Variants in CNTN5 observed in about 807,000 individuals in gnomAD.
CNTN5 encodes contactin-5.
CNTN5 carries 77 observed loss-of-function variants against 129.1 expected under a neutral mutation model. That is an observed-to-expected ratio of 0.60 (90% CI 0.50 to 0.72). CNTN5 has a LOEUF of 0.72. CNTN5 is among the 30% of genes least tolerant of loss of function. The pLI, the probability that CNTN5 is intolerant of heterozygous loss-of-function variation, is 0.00. For synonymous variants in CNTN5, 509 were observed against 465.6 expected (o/e 1.09, Z -1.20); for missense variants, 1,478 against 1,328.8 (o/e 1.11, Z -1.75).
intron 3 of CNTN5, among the ~76,000 whole-genome samples, chr11:99,762,276 C>T (rs1293462274): frequency 4.7e-5 from 7 of 147,892 alleles, no homozygotes; most frequent in African/African-American, 1.7e-4. Context: ...TTAATTAGAT[C>T]CCATTTGTCA....
intron 2 of CNTN5, among the ~76,000 whole-genome samples, chr11:99,391,475 G>A (rs1591615900): frequency 6.6e-6 from 1 of 152,102 alleles, no homozygotes; most frequent in Non-Finnish European, 1.5e-5. Context: ...TCATATAGTA[G>A]CTAAGATTCT....
At chr11:99,729,937 T>C (rs1439710835) in intron 3 of CNTN5, among the ~76,000 whole-genome samples, 1 of 151,994 alleles carries the variant, frequency 6.6e-6, no homozygotes, top group Non-Finnish European at 1.5e-5. Context: ...TTAGGAAAAA[T>C]AGGTAATTCA....
At chr11:99,740,311 C>A (rs951461471) in intron 3 of CNTN5, among the ~76,000 whole-genome samples, 2 of 151,960 alleles carry the variant, frequency 1.3e-5, no homozygotes, top group Admixed American at 6.6e-5. Context: ...TGAATTCAAA[C>A]CCCAGAGTAG....
At chr11:99,736,815 A>G (rs1402328906) in intron 3 of CNTN5, among the ~76,000 whole-genome samples, 4 of 152,168 alleles carry the variant, frequency 2.6e-5, no homozygotes, top group African/African-American at 9.7e-5. Flanking sequence ...ATTAAATAAG[A>G]TACAGTCTTA....
At chr11:99,955,678 C>T (rs1950783243) in intron 7 of CNTN5, among the ~76,000 whole-genome samples, 1 of 151,986 alleles carries the variant, frequency 6.6e-6, no homozygotes, top group Non-Finnish European at 1.5e-5. Context: ...CCTGCCTCAG[C>T]CTCCCAAGTA....
chr11:99,896,839 G>C (rs1949219903), intron 6 of CNTN5, among the ~76,000 whole-genome samples: 1 of 152,070 alleles, frequency 6.6e-6, no homozygotes, highest in Non-Finnish European at 1.5e-5. Flanking sequence ...CCAATGAAGG[G>C]CCCACGTCAC....
At chr11:99,342,224 A>C (rs2136058184) in intron 2 of CNTN5, among the ~76,000 whole-genome samples, 1 of 152,204 alleles carries the variant, frequency 6.6e-6, no homozygotes, top group East Asian at 1.9e-4. Context: ...TAAAATTTAC[A>C]ATCTAGTGTG....
intron 13 of CNTN5, among the ~76,000 whole-genome samples, chr11:100,076,479 A>G (rs12365473): frequency 0.14 from 20,672 of 151,916 alleles, 1,472 homozygotes; most frequent in Non-Finnish European, 0.15. Context: ...AGCTTACTAA[A>G]TTTTTTATTT....
chr11:99,314,295 T>C (rs938525951), intron 1 of CNTN5, among the ~76,000 whole-genome samples: 5 of 152,098 alleles, frequency 3.3e-5, no homozygotes, highest in African/African-American at 1.2e-4. Context: ...TGAAATATTT[T>C]AGCTATCCAT....
At chr11:99,444,274 T>C (rs1056190571) in intron 2 of CNTN5, among the ~76,000 whole-genome samples, 1 of 152,068 alleles carries the variant, frequency 6.6e-6, no homozygotes, top group Non-Finnish European at 1.5e-5. Flanking sequence ...ACCAATAATT[T>C]CCTGAAAAGT....
chr11:99,329,261 A>G (rs1478794812), intron 2 of CNTN5, among the ~76,000 whole-genome samples: 2 of 152,200 alleles, frequency 1.3e-5, no homozygotes, highest in Non-Finnish European at 2.9e-5. Context: ...AATTTTTGCT[A>G]GTGTGACACA....
intron 3 of CNTN5, among the ~76,000 whole-genome samples, chr11:99,631,644 C>CT (rs144637616): frequency 0.17 from 25,882 of 149,100 alleles, 2,431 homozygotes; most frequent in Non-Finnish European, 0.21. Context: ...ATTTCAAATA[C>CT]TTTTTTTTTT....
At chr11:100,079,045 G>A (rs57813520) in intron 13 of CNTN5, among the ~76,000 whole-genome samples, 20,115 of 152,036 alleles carry the variant, frequency 0.13, 1,644 homozygotes, top group East Asian at 0.31. Flanking sequence ...AGGAAAGGGG[G>A]AAGAGTGCCT....
At chr11:99,957,227 A>G (rs12574821) in intron 8 of CNTN5, among the ~76,000 whole-genome samples, 39,796 of 152,102 alleles carry the variant, frequency 0.26, 6,236 homozygotes, top group South Asian at 0.35. Context: ...AATATTCACC[A>G]TAATGCTACT....
intron 1 of CNTN5, among the ~76,000 whole-genome samples, chr11:99,170,486 G>A (rs1861098681): frequency 6.6e-6 from 1 of 152,106 alleles, no homozygotes; most frequent in South Asian, 2.1e-4. Flanking sequence ...TAAGTAAATT[G>A]CATTAAATGA....
At chr11:99,976,208 G>A (rs1937958440) in intron 8 of CNTN5, among the ~76,000 whole-genome samples, 1 of 152,172 alleles carries the variant, frequency 6.6e-6, no homozygotes. Flanking sequence ...CAAGGCCTTT[G>A]GCAACTCTGT....
At chr11:100,329,056 G>A (rs550780023) in intron 21 of CNTN5, among the ~76,000 whole-genome samples, 22 of 152,246 alleles carry the variant, frequency 1.4e-4, no homozygotes, top group South Asian at 6.2e-4. Flanking sequence ...CTGGCTGCCC[G>A]GAAATAAACT....
At chr11:99,677,457 G>A (rs183301865) in intron 3 of CNTN5, among the ~76,000 whole-genome samples, 60 of 152,254 alleles carry the variant, frequency 3.9e-4, no homozygotes, top group Non-Finnish European at 7.6e-4. Flanking sequence ...GAACCAGCCG[G>A]TCAAGTTTAC....
chr11:99,445,766 A>G (rs1944037351), intron 2 of CNTN5, among the ~76,000 whole-genome samples: 2 of 152,040 alleles, frequency 1.3e-5, no homozygotes, highest in African/African-American at 2.4e-5. Flanking sequence ...TATGTGGTTC[A>G]TAGAAGTTCC....
Sources: allele counts gnomAD v4.1 joint callset (sites outside exome capture counted in the v4.1 genomes callset), GRCh38; gene constraint gnomAD v4.1.1; transcripts MANE v1.5; gene names NCBI Gene and HGNC (gene_info 2026-07-23, HGNC 2026-07-21).